MLPH: variants seen among roughly 807,000 people sequenced by gnomAD.
MLPH encodes exophilin-3.
MLPH carries 51 observed loss-of-function variants against 72.1 expected under a neutral mutation model. That is an observed-to-expected ratio of 0.71 (90% CI 0.56 to 0.89). MLPH has a LOEUF of 0.89. Among genes scored for constraint, MLPH ranks in the 40% least tolerant of loss-of-function variants. MLPH has a pLI of 0.00. For missense variants in MLPH, 743 were observed against 759.9 expected, an observed-to-expected ratio of 0.98 and a Z score of 0.26; for synonymous variants, 301 against 310.1, an observed-to-expected ratio of 0.97 and a Z score of 0.31.
At chr2:237,502,653 T>G (rs569628164) in intron 2 of MLPH, among the ~76,000 whole-genome samples, 13 of 152,260 alleles carry the variant, frequency 8.5e-5, no homozygotes, top group African/African-American at 2.6e-4. Context: ...CGGAACACCC[T>G]GTTTTAAAGG....
chr2:237,517,771 A>G, intron 4 of MLPH, among the ~76,000 whole-genome samples: 1 of 129,258 alleles, frequency 7.7e-6, no homozygotes, highest in African/African-American at 3.1e-5. Flanking sequence ...ATGGATAAGT[A>G]AATGGATGGG....
chr2:237,501,414 T>G (rs1361010812), intron 2 of MLPH, among the ~76,000 whole-genome samples: 1 of 137,392 alleles, frequency 7.3e-6, no homozygotes, highest in Admixed American at 7.0e-5. Flanking sequence ...AAATGTTTAC[T>G]TTTAGCATTC....
rs907301481 is a variant in MLPH at position 237,534,665 on chromosome 2, G to A, written c.1104+18G>A. The A allele has an allele frequency of 3.7e-6, 6 of 1,607,088 alleles. No homozygotes were observed. In the Admixed American group the frequency reaches 8.3e-5, roughly 22 times the overall value. ...TGGCCAAGGTAACACTGGGGGCTGGGCAAAGAGAAAGGGCCCCCACAGCTC... is the reference window on the plus strand; with the variant it reads ...TGGCCAAGGTAACACTGGGGGCTGGACAAAGAGAAAGGGCCCCCACAGCTC... On this transcript the variant is annotated intron_variant, in intron 9 of 15. Transcript: ENST00000264605.
chr2:237,506,633 A>G (rs916225762), intron 2 of MLPH, among the ~76,000 whole-genome samples: 1 of 152,236 alleles, frequency 6.6e-6, no homozygotes, highest in South Asian at 2.1e-4. Flanking sequence ...GATTTTCACA[A>G]TGCTTTTCCG....
intron 4 of MLPH, 22 bp from the exon 5 acceptor site, chr2:237,518,517 G>A: frequency 6.3e-7 from 1 of 1,591,086 alleles, no homozygotes; most frequent in African/African-American, 1.3e-5. Flanking sequence ...CTTGGGTGGA[G>A]TCATGCAGGT....
At position 237,533,391 on chromosome 2, in the gene MLPH, T is replaced by A. The variant is rs111897637; in HGVS notation, c.1021-1173T>A. Among the ~76,000 whole-genome samples the A allele has an allele frequency of 3.9e-4, 27 of 69,210 alleles. No homozygotes were observed. In the East Asian group the frequency reaches 4.9e-3, roughly 12 times the overall value. The allele number at this position is 69,210 out of a possible 152,430, so 45.4% of individuals were successfully genotyped here. A position where few individuals can be genotyped will look rare whatever the true frequency, so the allele number is the denominator to read the frequency against. On this transcript the variant is annotated intron_variant, in intron 8 of 15. Transcript: ENST00000264605. ...GAAGTCTCTTCTCTATTTTCTTTTC[T>A]TTTTTTTTTTTTTTTTTTTTTGTCA...
intron 11 of MLPH, among the ~76,000 whole-genome samples, chr2:237,542,364 C>G (rs959327411): frequency 6.6e-5 from 10 of 152,130 alleles, no homozygotes; most frequent in African/African-American, 2.2e-4. Context: ...AAGGAACACC[C>G]CCCCCTTCTC....
At position 237,546,482 on chromosome 2, in the gene MLPH, TC is replaced by T. The variant is rs1027553831; in HGVS notation, c.1540-121del. ...CGGCATACTGGGGGTGGCTGTGCAG[TC>T]CCAGCATCCCCAACCCAGCATGTAT... is the stretch of plus-strand genomic sequence containing the variant. On this transcript the variant is annotated intron_variant, in intron 12 of 15. Transcript: ENST00000264605. 6.0e-6 allele frequency: 5 copies of T among 839,282 alleles called. No individual in the cohort carries two copies. In the African/African-American group the frequency reaches 8.4e-5, roughly 14 times the overall value. 52.0% of individuals were successfully genotyped at this position (839,282 alleles called of 1,614,324 possible). A position where few individuals can be genotyped will look rare whatever the true frequency, so the allele number is the denominator to read the frequency against.
intron 8 of MLPH, among the ~76,000 whole-genome samples, chr2:237,530,253 CTCAT>C (rs541043785): frequency 1.3e-5 from 2 of 152,318 alleles, no homozygotes; most frequent in South Asian, 4.2e-4. Context: ...TTTCCGAGCC[CTCAT>C]TCAGCAGGAA....
intron 8 of MLPH, among the ~76,000 whole-genome samples, chr2:237,528,875 C>T (rs1429278792): frequency 6.6e-6 from 1 of 152,186 alleles, no homozygotes; most frequent in Non-Finnish European, 1.5e-5. Context: ...CCTTTTGTCA[C>T]GAGCTCCTTT....
chr2:237,510,753 C>A lies in MLPH; in HGVS notation c.290C>A (p.Pro97Gln). The A allele has an allele frequency of 6.2e-7, 1 of 1,613,634 alleles. No homozygotes were observed. The highest frequency in any genetic ancestry group is 1.1e-5 in the South Asian group (1 of 91,060). ...FTCKSCGRVH[P>Q]EEQGWICDPC... ...TGCAAAAGCTGTGGCCGCGTCCACC[C>A]GGAGGAGCAGGGCTGGATCTGTGAC... Residue 97 changes from proline to glutamine, a missense_variant, in exon 3 of 16, where the codon CCG becomes CAG. By Grantham distance (76) the Pro-to-Gln change is moderately conservative. Coordinates refer to ENST00000264605, the MANE Select transcript of MLPH (RefSeq NM_024101.7). The surrounding 1 kb of genome is among the most constrained non-coding windows in gnomAD (Gnocchi z 4.4).
chr2:237,495,987 T>C (rs1389336363), intron 2 of MLPH, among the ~76,000 whole-genome samples: 1 of 152,196 alleles, frequency 6.6e-6, no homozygotes, highest in Non-Finnish European at 1.5e-5. Flanking sequence ...CACCCTCTCT[T>C]TCCCATTCTC....
At position 237,552,387 on chromosome 2, in the gene MLPH, A is replaced by T; in HGVS notation, c.1726A>T (p.Thr576Ser). 6.2e-7 allele frequency: 1 copy of T among 1,614,188 alleles called. No homozygotes were observed. The highest frequency in any genetic ancestry group is 8.5e-7 in the Non-Finnish European group (1 of 1,180,042). ...GAAATCAGTGTACCGAGGCTCGCTGACACAGAGAAACCCCAACGCGAGGAA... is the reference window on the plus strand; with the variant it reads ...GAAATCAGTGTACCGAGGCTCGCTGTCACAGAGAAACCCCAACGCGAGGAA... ...DRKSVYRGSL[T>S]QRNPNARKGM... is the part of the protein sequence containing the mutation. Residue 576 changes from threonine to serine, a missense_variant, in exon 15 of 16, where the codon ACA becomes TCA. Thr to Ser is a moderately conservative substitution (Grantham distance 58). Coordinates refer to ENST00000264605, the MANE Select transcript of MLPH (RefSeq NM_024101.7).
chr2:237,520,138 C>A, intron 6 of MLPH, 109 bp downstream of exon 6: 1 of 1,458,420 alleles, frequency 6.9e-7, no homozygotes, highest in Non-Finnish European at 9.5e-7. Flanking sequence ...GATGGCCACA[C>A]AGTCCCACCT....
At chr2:237,523,792 G>A (rs897096817) in intron 6 of MLPH, among the ~76,000 whole-genome samples, 3 of 152,134 alleles carry the variant, frequency 2.0e-5, no homozygotes, top group African/African-American at 4.8e-5. Flanking sequence ...TCAGGAGAAC[G>A]AGGCCATAGT....
intron 9 of MLPH, among the ~76,000 whole-genome samples, chr2:237,540,007 C>T (rs938751594): frequency 6.6e-6 from 1 of 152,212 alleles, no homozygotes; most frequent in African/African-American, 2.4e-5. Context: ...ACTCCACACC[C>T]CTCTCTCCTC....
At chr2:237,496,715 AG>A (rs1033553066) in intron 2 of MLPH, among the ~76,000 whole-genome samples, 5 of 135,698 alleles carry the variant, frequency 3.7e-5, no homozygotes, top group Admixed American at 7.0e-5. Flanking sequence ...CTATGTGATT[AG>A]GGGGGGGCTT....
At chr2:237,506,561 G>A (rs1559341417) in intron 2 of MLPH, among the ~76,000 whole-genome samples, 1 of 152,192 alleles carries the variant, frequency 6.6e-6, no homozygotes, top group African/African-American at 2.4e-5. Context: ...CAAGCAGGGG[G>A]TACGTGACTG....
At position 237,511,043 on chromosome 2, in the gene MLPH, C is replaced by T; in HGVS notation, c.387C>T (p.Phe129=). The change falls in exon 4 of 16, where the codon TTC becomes TTT. Residue 129 remains phenylalanine, a synonymous_variant. Transcript: ENST00000264605. ...ACTATGAGCATGTGAAAGCCCGCTT[C>T]AAGAGGTTCGGAAGTGCCAAGGTCA... ...EWYYEHVKAR[F]KRFGSAKVIR... The T allele has an allele frequency of 6.2e-7, 1 of 1,613,968 alleles. No homozygotes were observed. Among genetic ancestry groups the T allele is most frequent in the Non-Finnish European group, 8.5e-7 (1 of 1,179,992 alleles).
Sources: allele counts gnomAD v4.1 joint callset (sites outside exome capture counted in the v4.1 genomes callset), GRCh38; gene constraint gnomAD v4.1.1; non-coding constraint Gnocchi (gnomAD v3.1); transcripts MANE v1.5; gene names NCBI Gene and HGNC (gene_info 2026-07-23, HGNC 2026-07-21).